The following ADGRV1 variants were observed in gnomAD, a reference collection of about 807,000 sequenced individuals.
ADGRV1 encodes adhesion G protein-coupled receptor V1.
A neutral mutation model predicts 596.2 loss-of-function variants in ADGRV1; 359 were observed. The observed-to-expected ratio is 0.60, with a 90% CI of 0.55 to 0.66. ADGRV1 has a LOEUF of 0.66. Among genes scored for constraint, ADGRV1 ranks in the 30% least tolerant of loss-of-function variants. The pLI is 0.00. For synonymous variants in ADGRV1, 2,681 were observed against 2,679.2 expected (o/e 1.00, Z -0.02); for missense variants, 7,274 against 7,575.6 (o/e 0.96, Z 1.48).
rs1205212302 is a variant in ADGRV1 at position 90,777,706 on chromosome 5, CACTAGCT to C, written c.12528-198_12528-192del. On this transcript the variant is annotated intron_variant, in intron 61 of 89. Coordinates refer to ENST00000405460, the MANE Select transcript of ADGRV1 (RefSeq NM_032119.4). ...TTGTATTCCTGTCAAGATAGATTTA[CACTAGCT>C]TAATACTTTGGGTGTTACTATCTTG... Among the ~76,000 whole-genome samples, 3 of 152,254 alleles carry C rather than the reference CACTAGCT, an allele frequency of 2.0e-5. No individual in the cohort carries two copies. The East Asian group carries it at 5.8e-4, about 29-fold the overall frequency.
At chr5:90,782,575 T>G (rs185298276) in intron 65 of ADGRV1, among the ~76,000 whole-genome samples, 1 of 152,324 alleles carries the variant, frequency 6.6e-6, no homozygotes, top group Non-Finnish European at 1.5e-5. Flanking sequence ...AAATAATGTT[T>G]AAGTTGAAAT....
intron 83 of ADGRV1, among the ~76,000 whole-genome samples, chr5:90,896,100 T>A (rs1182454462): frequency 1.3e-5 from 2 of 152,060 alleles, no homozygotes; most frequent in Non-Finnish European, 2.9e-5. Context: ...TTGGATTGTG[T>A]CATTGTTAAA....
At chr5:90,659,218 A>C (rs1014230315) in intron 21 of ADGRV1, among the ~76,000 whole-genome samples, 1 of 152,186 alleles carries the variant, frequency 6.6e-6, no homozygotes, top group African/African-American at 2.4e-5. Context: ...ATGTCATACA[A>C]ATCTACAACT....
chr5:90,644,751 G>A lies in ADGRV1; in HGVS notation c.2780G>A (p.Ser927Asn), dbSNP rs765197770. 12 of 1,611,454 alleles carry A rather than the reference G, an allele frequency of 7.4e-6. No individual in the cohort carries two copies. The highest frequency in any genetic ancestry group is 4.0e-5 in the African/African-American group (3 of 74,844). ...VRNRGNFGDV[S>N]VSWVVSPDFT... The stretch of plus-strand genomic sequence containing the variant: ...AATCGAGGCAACTTTGGTGATGTTA[G>A]TGTATCATGGGTGGTTAGTCCAGAC... The change falls in exon 15 of 90, where the codon AGT becomes AAT. Residue 927 changes from serine to asparagine, a missense_variant. Transcript: ENST00000405460.
At chr5:90,582,407 G>T (rs1758184774) in intron 1 of ADGRV1, among the ~76,000 whole-genome samples, 1 of 152,126 alleles carries the variant, frequency 6.6e-6, no homozygotes, top group Admixed American at 6.6e-5. Flanking sequence ...AGGATAGCCA[G>T]AGCTTCTTGT....
chr5:90,617,673 T>A (rs1763542181), intron 2 of ADGRV1, 131 bp from the exon 3 acceptor site: 1 of 697,126 alleles, frequency 1.4e-6, no homozygotes, highest in Non-Finnish European at 2.3e-6. Context: ...ATTTTTGTTT[T>A]TGTACACCCT....
Position 90,720,067 on chromosome 5 carries a change from T to C in ADGRV1, c.9467T>C (p.Ile3156Thr). 1.2e-6 allele frequency: 2 copies of C among 1,613,732 alleles called. No individual in the cohort carries two copies. Among genetic ancestry groups the C allele is most frequent in the Non-Finnish European group, 1.7e-6 (2 of 1,179,656 alleles). The change falls in exon 44 of 90, where the codon ATA becomes ACA. Residue 3156 changes from isoleucine (I) to threonine (T), a missense_variant. This residue lies in a region of ADGRV1 where 3,643 missense variants were observed against 3,809.2 expected (regional missense o/e 0.96). Transcript: ENST00000405460. Reference protein sequence around the residue: ...VRFKALQISAILDTEPEMDEY... With the variant: ...VRFKALQISATLDTEPEMDEY... ...TTTCAGGCCCTACAAATATCTGCCA[T>C]ATTAGACACGGAACCAGAAATGGAT...
intron 1 of ADGRV1, among the ~76,000 whole-genome samples, chr5:90,599,607 T>A (rs1761148809): frequency 6.6e-6 from 1 of 152,194 alleles, no homozygotes; most frequent in African/African-American, 2.4e-5. Context: ...ATCTTAGGCT[T>A]TATCATCTTT....
chr5:90,644,221 G>A (rs928704165), intron 14 of ADGRV1, among the ~76,000 whole-genome samples: 4 of 152,062 alleles, frequency 2.6e-5, no homozygotes, highest in African/African-American at 9.7e-5. Flanking sequence ...CATATGCAGT[G>A]CAACTCAAAC....
At chr5:90,735,397 A>G (rs1473792281) in intron 50 of ADGRV1, among the ~76,000 whole-genome samples, 1 of 152,232 alleles carries the variant, frequency 6.6e-6, no homozygotes, top group African/African-American at 2.4e-5. Flanking sequence ...TGCCAGTACC[A>G]AGATGTTTTG....
At chr5:90,726,929 A>G (rs1751868969) in intron 48 of ADGRV1, among the ~76,000 whole-genome samples, 1 of 152,168 alleles carries the variant, frequency 6.6e-6, no homozygotes, top group Non-Finnish European at 1.5e-5. Flanking sequence ...GTTCACTTAA[A>G]TATATTTTTG....
chr5:90,580,213 C>A (rs2151973064), intron 1 of ADGRV1, among the ~76,000 whole-genome samples: 1 of 152,280 alleles, frequency 6.6e-6, no homozygotes, highest in East Asian at 1.9e-4. Flanking sequence ...GCATTGATGG[C>A]CTTTACAATT....
At chr5:90,995,095 G>A (rs114096809) in intron 85 of ADGRV1, among the ~76,000 whole-genome samples, 2 of 152,198 alleles carry the variant, frequency 1.3e-5, no homozygotes, top group Non-Finnish European at 2.9e-5. Context: ...GCTTTCCAAA[G>A]CTTATGTGTA....
intron 84 of ADGRV1, among the ~76,000 whole-genome samples, chr5:90,975,099 A>G (rs1779437881): frequency 6.6e-6 from 1 of 151,686 alleles, no homozygotes; most frequent in Admixed American, 6.6e-5. Flanking sequence ...CACATGAAGA[A>G]ATGCTCATAA....
chr5:90,821,580 A>G (rs1387646588), intron 75 of ADGRV1, among the ~76,000 whole-genome samples: 1 of 151,054 alleles, frequency 6.6e-6, no homozygotes, highest in African/African-American at 2.4e-5. Flanking sequence ...ATGATGATGT[A>G]CAGATGGGTT....
intron 83 of ADGRV1, among the ~76,000 whole-genome samples, chr5:90,928,883 AGC>A (rs1381780943): frequency 7.0e-6 from 1 of 143,692 alleles, no homozygotes; most frequent in Non-Finnish European, 1.6e-5. Flanking sequence ...CTGTTGGAAT[AGC>A]CTGCCGTGTG....
At position 90,774,155 on chromosome 5, in the gene ADGRV1, G is replaced by A; in HGVS notation, c.12286-31G>A. 3.1e-6 allele frequency: 4 copies of A among 1,308,728 alleles called. No individual in the cohort carries two copies. In the African/African-American group the frequency reaches 4.4e-5, roughly 14 times the overall value. The allele number at this position is 1,308,728 out of a possible 1,614,324, so 81.1% of individuals were successfully genotyped here. On this transcript the variant is annotated intron_variant, in intron 59 of 89. Transcript: ENST00000405460. ...TCAAACTTTGGCTTTGGTCAATCTGGAAAATGCACTGTTTCTGTCATTGGA... is the reference window on the plus strand; with the variant it reads ...TCAAACTTTGGCTTTGGTCAATCTGAAAAATGCACTGTTTCTGTCATTGGA...
chr5:90,956,897 A>G (rs1368254576), intron 83 of ADGRV1, among the ~76,000 whole-genome samples: 1 of 152,186 alleles, frequency 6.6e-6, no homozygotes. Flanking sequence ...CTGTAATGTT[A>G]AGATGCTATC....
At chr5:90,802,980 C>T in intron 71 of ADGRV1, 98 bp downstream of exon 71, 6 of 937,880 alleles carry the variant, frequency 6.4e-6, no homozygotes, top group African/African-American at 5.0e-5. Flanking sequence ...TCATGAGTAA[C>T]TATTTTCTTA....
Sources: gnomAD v4.1 joint callset for allele counts (sites outside exome capture counted in the v4.1 genomes callset) on GRCh38, gnomAD v4.1.1 for gene constraint, gnomAD v4.1.1 regional missense constraint, MANE v1.5 for transcripts, NCBI Gene and HGNC (gene_info 2026-07-23, HGNC 2026-07-21) for gene names.